The following ARHGAP20 variants were observed in gnomAD, a reference collection of about 807,000 sequenced individuals.
The protein encoded by ARHGAP20 is Rho GTPase activating protein 20.
ARHGAP20 carries 34 observed loss-of-function variants against 73.7 expected under a neutral mutation model. That is an observed-to-expected ratio of 0.46 (90% CI 0.35 to 0.61). ARHGAP20 has a LOEUF of 0.61. ARHGAP20 is among the 20% of genes least tolerant of loss of function. The pLI, the probability that ARHGAP20 is intolerant of heterozygous loss-of-function variation, is 0.00. For missense variants in ARHGAP20, 1,314 were observed against 1,420.9 expected (o/e 0.92, Z 1.21); for synonymous variants, 523 against 518.2 (o/e 1.01, Z -0.13).
At chr11:110,620,252 G>A (rs542442830) in intron 4 of ARHGAP20, among the ~76,000 whole-genome samples, 1 of 152,100 alleles carries the variant, frequency 6.6e-6, no homozygotes, top group South Asian at 2.1e-4. Context: ...ATGGCCTCAA[G>A]CAATCCTCCA....
chr11:110,609,543 G>A (rs1222990996), intron 7 of ARHGAP20, among the ~76,000 whole-genome samples: 1 of 152,186 alleles, frequency 6.6e-6, no homozygotes, highest in African/African-American at 2.4e-5. Flanking sequence ...GGCAAGTTCA[G>A]TCCTGGGGAA....
At chr11:110,658,178 G>A (rs1949515038) in intron 2 of ARHGAP20, among the ~76,000 whole-genome samples, 1 of 152,130 alleles carries the variant, frequency 6.6e-6, no homozygotes, top group Admixed American at 6.5e-5. Flanking sequence ...GTTGTTGTGA[G>A]GATTAAATGA....
At chr11:110,674,156 G>A (rs937700508) in intron 2 of ARHGAP20, among the ~76,000 whole-genome samples, 27 of 152,084 alleles carry the variant, frequency 1.8e-4, no homozygotes, top group Admixed American at 4.6e-4. Flanking sequence ...GGATGTTCTC[G>A]ATCTCTTGAC....
chr11:110,660,171 CT>C (rs1248410272), intron 2 of ARHGAP20, among the ~76,000 whole-genome samples: 1 of 151,896 alleles, frequency 6.6e-6, no homozygotes, highest in African/African-American at 2.4e-5. Context: ...AGGTTCTACT[CT>C]TGGAATTTTT....
chr11:110,670,196 T>C (rs1039789878), intron 2 of ARHGAP20, among the ~76,000 whole-genome samples: 2 of 152,112 alleles, frequency 1.3e-5, no homozygotes, highest in Non-Finnish European at 2.9e-5. Flanking sequence ...ACTTTATGTG[T>C]GCTTTATTGT....
At chr11:110,630,831 A>G in intron 2 of ARHGAP20, 39 bp from the exon 3 acceptor site, 2 of 1,580,100 alleles carry the variant, frequency 1.3e-6, no homozygotes, top group Non-Finnish European at 1.7e-6. Context: ...TCAAACGATC[A>G]TCTTATAGTT....
At chr11:110,648,183 A>G (rs1264753339) in intron 2 of ARHGAP20, among the ~76,000 whole-genome samples, 1 of 105,608 alleles carries the variant, frequency 9.5e-6, no homozygotes, top group Non-Finnish European at 1.9e-5. Context: ...ATATATATAT[A>G]TATATGTAAA....
chr11:110,680,810 A>G (rs1461679133), intron 2 of ARHGAP20, among the ~76,000 whole-genome samples: 1 of 152,194 alleles, frequency 6.6e-6, no homozygotes, highest in Non-Finnish European at 1.5e-5. Flanking sequence ...CATTTTTTAA[A>G]TAGTATGAAA....
chr11:110,669,710 G>A (rs555052611), intron 2 of ARHGAP20, among the ~76,000 whole-genome samples: 1 of 152,264 alleles, frequency 6.6e-6, no homozygotes, highest in South Asian at 2.1e-4. Flanking sequence ...CACACTGCTA[G>A]TGGAATATAA....
Position 110,630,669 on chromosome 11 carries a change from A to C in ARHGAP20, c.312T>G (p.His104Gln). 1 of 1,614,132 alleles carries C rather than the reference A, an allele frequency of 6.2e-7. No individual in the cohort carries two copies. Among genetic ancestry groups the C allele is most frequent in the Non-Finnish European group, 8.5e-7 (1 of 1,179,974 alleles). ...LKRGLQRQER[H>Q]LFLFNDLFVV... ...CAAACAGATCATTGAATAGGAAAAG[A>C]TGCCGCTCCTGCCTCTGGAGGCCTC... is the stretch of plus-strand genomic sequence containing the variant. The change falls in exon 3 of 15, where the codon CAT (histidine) becomes CAG (glutamine). Residue 104 changes from histidine (H) to glutamine (Q), a missense_variant. Physicochemically the swap from His to Gln is conservative, Grantham distance 24. Around this residue, in one of 3 missense-constraint regions of ARHGAP20, gnomAD observed 443 missense variants for 466.4 expected, o/e 0.95. Coordinates refer to ENST00000683387, the MANE Select transcript of ARHGAP20 (RefSeq NM_001384657.1).
chr11:110,617,427 T>C lies in ARHGAP20; in HGVS notation c.504-1833A>G, dbSNP rs974273502. 2.6e-5 allele frequency among the ~76,000 whole-genome samples: 4 copies of C among 151,970 alleles called. No homozygotes were observed. In the South Asian group the frequency reaches 6.3e-4, roughly 24 times the overall value. On this transcript the variant is annotated intron_variant, in intron 4 of 14. Coordinates refer to ENST00000683387, the MANE Select transcript of ARHGAP20 (RefSeq NM_001384657.1). ...ACAGGCATGTGCCACCACGCCTGGC[T>C]AATTTTGTAGTTTTTAGTAGAGACA...
intron 2 of ARHGAP20, among the ~76,000 whole-genome samples, chr11:110,672,458 AC>A (rs1949848186): frequency 6.6e-6 from 1 of 151,912 alleles, no homozygotes; most frequent in South Asian, 2.1e-4. Flanking sequence ...GGCACCATAC[AC>A]CCACCAGATG....
intron 2 of ARHGAP20, among the ~76,000 whole-genome samples, chr11:110,673,785 C>G (rs533105746): frequency 1.3e-5 from 2 of 152,156 alleles, no homozygotes; most frequent in Admixed American, 1.3e-4. Context: ...AGTTAAGTTT[C>G]TTAAACCTAG....
intron 2 of ARHGAP20, among the ~76,000 whole-genome samples, chr11:110,643,272 C>T (rs1053242886): frequency 6.6e-6 from 1 of 151,958 alleles, no homozygotes; most frequent in African/African-American, 2.4e-5. Context: ...TCGATTTCAT[C>T]CATTTCTGCT....
At chr11:110,676,019 T>C (rs1418223828) in intron 2 of ARHGAP20, among the ~76,000 whole-genome samples, 1 of 152,176 alleles carries the variant, frequency 6.6e-6, no homozygotes, top group East Asian at 1.9e-4. Context: ...CACAACATTT[T>C]TGTAAGGAAA....
intron 2 of ARHGAP20, among the ~76,000 whole-genome samples, chr11:110,674,329 A>G (rs1949888380): frequency 6.6e-6 from 1 of 152,202 alleles, no homozygotes; most frequent in Admixed American, 6.5e-5. Flanking sequence ...AGAACCTGGC[A>G]CCTGGTAAGC....
chr11:110,711,513 C>G (rs1950655172), intron 1 of ARHGAP20: 1 of 1,141,816 alleles, frequency 8.8e-7, no homozygotes, highest in East Asian at 3.2e-5. Context: ...GTGACCCCCA[C>G]CTGGGAGACC....
intron 9 of ARHGAP20, among the ~76,000 whole-genome samples, chr11:110,605,066 T>G (rs1211180958): frequency 6.6e-6 from 1 of 152,064 alleles, no homozygotes; most frequent in Non-Finnish European, 1.5e-5. Flanking sequence ...AGAGATGAGA[T>G]TTTAGGAGAT....
intron 3 of ARHGAP20, among the ~76,000 whole-genome samples, chr11:110,625,515 C>G (rs1184612012): frequency 6.6e-6 from 1 of 151,956 alleles, no homozygotes; most frequent in Non-Finnish European, 1.5e-5. Context: ...ACCATTTCCC[C>G]TTATATTCTG....
Sources: allele counts gnomAD v4.1 joint callset (sites outside exome capture counted in the v4.1 genomes callset), GRCh38; gene constraint gnomAD v4.1.1; regional missense constraint gnomAD v4.1.1; transcripts MANE v1.5; gene names NCBI Gene and HGNC (gene_info 2026-07-23, HGNC 2026-07-21).